The following LDAH variants were observed in gnomAD, a reference collection of about 807,000 sequenced individuals.
The protein encoded by LDAH is lipid droplet-associated hydrolase.
Under a neutral mutation model 29.6 loss-of-function variants are expected in LDAH, and 26 were observed. The ratio of observed to expected loss-of-function variants is 0.88; its 90% CI spans 0.64 to 1.22. The LOEUF is 1.22. LDAH is among the 50% of genes most tolerant of loss of function. The probability of loss-of-function intolerance (pLI) is 0.00; values close to 1 mark genes in which losing one functional copy is unlikely to be tolerated. For synonymous variants in LDAH, 117 were observed against 133.0 expected, an observed-to-expected ratio of 0.88 and a Z score of 0.83; for missense variants, 344 against 387.3, an observed-to-expected ratio of 0.89 and a Z score of 0.94.
intron 5 of LDAH, among the ~76,000 whole-genome samples, chr2:20,702,979 A>C (rs1664056426): frequency 6.6e-6 from 1 of 152,120 alleles, no homozygotes; most frequent in African/African-American, 2.4e-5. Context: ...GGCATGCGCC[A>C]CCACACTCCG....
At position 20,792,301 on chromosome 2, in the gene LDAH, T is replaced by C. The variant is rs1345922517; in HGVS notation, c.155-1903A>G. ...TTTTTAGGTACTATAACTTACTACA[T>C]GCCAGGCAGTGTTTAGGTGCTTTAC... On this transcript the variant is annotated intron_variant, in intron 2 of 6. Transcript: ENST00000237822. Among the ~76,000 whole-genome samples the C allele has an allele frequency of 3.3e-5, 5 of 152,288 alleles. No individual in the cohort carries two copies. In the East Asian group the frequency reaches 7.7e-4, roughly 23 times the overall value.
chr2:20,739,716 T>C (rs1667039022), intron 5 of LDAH, among the ~76,000 whole-genome samples: 1 of 152,190 alleles, frequency 6.6e-6, no homozygotes, highest in Non-Finnish European at 1.5e-5. Context: ...GGAAGAAGTG[T>C]TTCTCACTGT....
chr2:20,747,671 T>C (rs116357481), intron 4 of LDAH, among the ~76,000 whole-genome samples: 4,867 of 152,192 alleles, frequency 0.032, 258 homozygotes, highest in African/African-American at 0.11. Flanking sequence ...TAATCAAGAG[T>C]TTGCTTTTTG....
intron 5 of LDAH, among the ~76,000 whole-genome samples, chr2:20,715,254 G>T (rs984612783): frequency 6.6e-6 from 1 of 152,094 alleles, no homozygotes; most frequent in African/African-American, 2.4e-5. Context: ...GTAATCCATC[G>T]CATAAACAGA....
At chr2:20,781,130 T>C (rs1017333040) in intron 3 of LDAH, among the ~76,000 whole-genome samples, 9 of 152,206 alleles carry the variant, frequency 5.9e-5, no homozygotes, top group Non-Finnish European at 8.8e-5. Flanking sequence ...TTCTAAACAA[T>C]GACTTGAAAT....
rs941856453 is a variant in LDAH at position 20,685,722 on chromosome 2, T to C, written c.*1181A>G. 74 of 1,508,456 alleles carry C rather than the reference T, an allele frequency of 4.9e-5. No homozygotes were observed. The East Asian group carries it at 1.1e-3, about 22-fold the overall frequency. 93.4% of individuals were successfully genotyped at this position (1,508,456 alleles called of 1,614,324 possible). A position where few individuals can be genotyped will look rare whatever the true frequency, so the allele number is the denominator to read the frequency against. On this transcript the variant is annotated 3_prime_UTR_variant, in exon 7 of 7. Transcript: ENST00000237822. ...TCACTGCAGTATGTGGTTCTCAAGA[T>C]TGAGTCAATTTAGGGGAGGCAGCAA...
At chr2:20,713,952 G>A (rs1170932263) in intron 5 of LDAH, among the ~76,000 whole-genome samples, 1 of 152,146 alleles carries the variant, frequency 6.6e-6, no homozygotes, top group Non-Finnish European at 1.5e-5. Context: ...ACACCCCACT[G>A]TCAATATTAG....
chr2:20,774,539 T>C (rs1314178303), intron 4 of LDAH, among the ~76,000 whole-genome samples: 4 of 152,222 alleles, frequency 2.6e-5, no homozygotes, highest in Non-Finnish European at 5.9e-5. Context: ...CAGCAAGTAA[T>C]GTGTAACATA....
At chr2:20,807,392 T>C (rs763947635) in intron 1 of LDAH, among the ~76,000 whole-genome samples, 1 of 152,114 alleles carries the variant, frequency 6.6e-6, no homozygotes, top group Non-Finnish European at 1.5e-5. Context: ...TCTTTGTAAT[T>C]TTTACTTTAA....
Position 20,685,528 on chromosome 2 carries a change from T to G in LDAH, c.*1375A>C, listed in dbSNP as rs1369460402. On this transcript the variant is annotated 3_prime_UTR_variant, in exon 7 of 7. Coordinates refer to ENST00000237822, the MANE Select transcript of LDAH (RefSeq NM_021925.4). ...ATGTAGAAGCTATGCCAAAGCACAGTAACTCATTCAGCACTTACCAATAAG... is the reference window on the plus strand; with the variant it reads ...ATGTAGAAGCTATGCCAAAGCACAGGAACTCATTCAGCACTTACCAATAAG... The G allele has an allele frequency of 6.5e-7, 1 of 1,549,604 alleles. No homozygotes were observed. The highest frequency in any genetic ancestry group is 8.7e-7 in the Non-Finnish European group (1 of 1,146,622).
chr2:20,756,226 G>T (rs1668332102), intron 4 of LDAH, among the ~76,000 whole-genome samples: 2 of 151,870 alleles, frequency 1.3e-5, no homozygotes, highest in South Asian at 2.1e-4. Context: ...GTAGAGACGG[G>T]GTTTCACCAT....
intron 5 of LDAH, among the ~76,000 whole-genome samples, chr2:20,734,828 G>C (rs780197692): frequency 2.0e-5 from 3 of 152,128 alleles, no homozygotes; most frequent in Non-Finnish European, 2.9e-5. Context: ...ATCTAATGTT[G>C]ACAAGTTCTT....
intron 4 of LDAH, among the ~76,000 whole-genome samples, chr2:20,750,676 A>C (rs1667907965): frequency 2.6e-5 from 4 of 152,308 alleles, no homozygotes; most frequent in South Asian, 2.1e-4. Flanking sequence ...TCAAAGACTA[A>C]CTTTGTCATT....
At chr2:20,773,117 A>C (rs1221135952) in intron 4 of LDAH, among the ~76,000 whole-genome samples, 3 of 152,302 alleles carry the variant, frequency 2.0e-5, no homozygotes, top group Non-Finnish European at 4.4e-5. Flanking sequence ...ATGACTCTAG[A>C]GTTATTTCCC....
At chr2:20,807,863 A>G (rs1293407437) in intron 1 of LDAH, among the ~76,000 whole-genome samples, 1 of 151,646 alleles carries the variant, frequency 6.6e-6, no homozygotes, top group Non-Finnish European at 1.5e-5. Flanking sequence ...ACAAAAAAAG[A>G]TATAAATATA....
At chr2:20,789,048 C>A (rs1038813837) in intron 3 of LDAH, 2 of 1,370,538 alleles carry the variant, frequency 1.5e-6, no homozygotes, top group African/African-American at 2.9e-5. Flanking sequence ...AGTAACATCG[C>A]TATTAAATCT....
chr2:20,779,259 C>T (rs1418698513), intron 3 of LDAH, among the ~76,000 whole-genome samples: 4 of 151,930 alleles, frequency 2.6e-5, no homozygotes, highest in Admixed American at 6.6e-5. Context: ...ATACAGTTTC[C>T]TTGTGAAGCA....
chr2:20,785,721 C>T (rs1392475368), intron 3 of LDAH, among the ~76,000 whole-genome samples: 1 of 152,158 alleles, frequency 6.6e-6, no homozygotes, highest in Non-Finnish European at 1.5e-5. Context: ...ATTTTTTTCT[C>T]TTTGCATTTC....
chr2:20,792,089 T>C (rs1277819096), intron 2 of LDAH, among the ~76,000 whole-genome samples: 1 of 152,116 alleles, frequency 6.6e-6, no homozygotes, highest in Admixed American at 6.6e-5. Flanking sequence ...TTTCACTAGT[T>C]TCAATTCTTA....
Sources: allele counts gnomAD v4.1 joint callset (sites outside exome capture counted in the v4.1 genomes callset), GRCh38; gene constraint gnomAD v4.1.1; transcripts MANE v1.5; gene names NCBI Gene and HGNC (gene_info 2026-07-23, HGNC 2026-07-21).